Variants in BTG4 observed in about 807,000 individuals in gnomAD.
BTG4 encodes the protein BTG anti-proliferation factor 4.
In BTG4, 10 loss-of-function variants were observed where a neutral mutation model predicts 19.3. The ratio of observed to expected loss-of-function variants is 0.52; its 90% CI spans 0.32 to 0.88. The LOEUF is 0.88. BTG4 is among the 40% of genes least tolerant of loss of function. The pLI is 0.04. For synonymous variants in BTG4, 91 were observed against 95.7 expected, an observed-to-expected ratio of 0.95 and a Z score of 0.29; for missense variants, 238 against 281.9, an observed-to-expected ratio of 0.84 and a Z score of 1.11.
the BTG4 span, among the ~76,000 whole-genome samples, chr11:111,445,673 A>T: frequency 6.6e-6 from 1 of 152,170 alleles, no homozygotes; most frequent in Non-Finnish European, 1.5e-5. Flanking sequence ...TTAAACTTCA[A>T]CCTGAAAAGC....
chr11:111,505,274 G>C (rs1174345405), intron 1 of BTG4, among the ~76,000 whole-genome samples: 1 of 151,906 alleles, frequency 6.6e-6, no homozygotes, highest in Non-Finnish European at 1.5e-5. Context: ...TAAACCCAGA[G>C]ATTAATGGTA....
intron 5 of BTG4, among the ~76,000 whole-genome samples, chr11:111,470,840 T>C (rs1048910399): frequency 2.6e-5 from 4 of 152,088 alleles, no homozygotes; most frequent in Non-Finnish European, 2.9e-5. Flanking sequence ...GAAGGATCCA[T>C]TGAGCCCAGG....
the BTG4 span, among the ~76,000 whole-genome samples, chr11:111,454,613 A>C: frequency 4.6e-5 from 7 of 152,172 alleles, no homozygotes; most frequent in Non-Finnish European, 1.0e-4. Flanking sequence ...CCACCATTGG[A>C]GTTCCTTCTC....
the BTG4 span, among the ~76,000 whole-genome samples, chr11:111,444,941 T>C: frequency 6.6e-6 from 1 of 152,166 alleles, no homozygotes; most frequent in South Asian, 2.1e-4. Context: ...GAAAGTTTGT[T>C]TTTGAAAACC....
chr11:111,409,095 A>T, the BTG4 span, among the ~76,000 whole-genome samples: 1 of 152,204 alleles, frequency 6.6e-6, no homozygotes, highest in Admixed American at 6.5e-5. Context: ...GTTTATGCAG[A>T]TGTTTGTGGT....
intron 1 of BTG4, among the ~76,000 whole-genome samples, chr11:111,509,810 C>T (rs953980986): frequency 3.3e-5 from 5 of 151,856 alleles, no homozygotes; most frequent in African/African-American, 1.2e-4. Context: ...CTTCCAACAA[C>T]ATCCTTCAAA....
At chr11:111,509,424 T>G (rs755667963) in intron 1 of BTG4, among the ~76,000 whole-genome samples, 2 of 152,146 alleles carry the variant, frequency 1.3e-5, no homozygotes, top group Non-Finnish European at 2.9e-5. Flanking sequence ...GTGCAGTGGC[T>G]CACTCCTGTA....
At chr11:111,484,345 T>C (rs1217212737) in intron 5 of BTG4, among the ~76,000 whole-genome samples, 1 of 152,086 alleles carries the variant, frequency 6.6e-6, no homozygotes, top group African/African-American at 2.4e-5. Context: ...AACAGTATAG[T>C]TGCACTAACA....
At chr11:111,434,764 T>C in the BTG4 span, among the ~76,000 whole-genome samples, 10 of 151,050 alleles carry the variant, frequency 6.6e-5, no homozygotes, top group African/African-American at 2.4e-4. Context: ...CAAATCCAAG[T>C]TTCCTGGCAA....
chr11:111,453,344 T>C, the BTG4 span: 1 of 401,584 alleles, frequency 2.5e-6, no homozygotes, highest in South Asian at 1.9e-5. Context: ...TTTCAGAGTC[T>C]TCAGGAAGGA....
the BTG4 span, among the ~76,000 whole-genome samples, chr11:111,425,571 G>A: frequency 3.3e-5 from 5 of 152,208 alleles, no homozygotes; most frequent in South Asian, 8.3e-4. Flanking sequence ...GAAGAAAGAC[G>A]GGAAATATTG....
At chr11:111,473,884 T>G (rs995329700) in intron 5 of BTG4, among the ~76,000 whole-genome samples, 5 of 152,186 alleles carry the variant, frequency 3.3e-5, no homozygotes, top group Non-Finnish European at 4.4e-5. Context: ...TTTCTTCCAC[T>G]ACACCACAAA....
the BTG4 span, among the ~76,000 whole-genome samples, chr11:111,425,812 G>A: frequency 6.6e-6 from 1 of 152,236 alleles, no homozygotes. Flanking sequence ...TGGGAAGATC[G>A]CTTGAGCTCA....
At chr11:111,438,233 AC>A in the BTG4 span, among the ~76,000 whole-genome samples, 2 of 152,184 alleles carry the variant, frequency 1.3e-5, no homozygotes, top group African/African-American at 4.8e-5. Flanking sequence ...CCTAGACCTA[AC>A]TTTGTGGGTT....
the BTG4 span, among the ~76,000 whole-genome samples, chr11:111,444,814 G>A: frequency 6.6e-6 from 1 of 152,132 alleles, no homozygotes; most frequent in African/African-American, 2.4e-5. Context: ...GAAAGAGGGT[G>A]GCTGAAGACG....
chr11:111,389,857 G>A, the BTG4 span, among the ~76,000 whole-genome samples: 86 of 152,258 alleles, frequency 5.6e-4, no homozygotes, highest in Non-Finnish European at 8.1e-4. Context: ...CAAAAGTGGA[G>A]GGAGGCAGAA....
chr11:111,510,395 C>G (rs1001132507), intron 1 of BTG4, among the ~76,000 whole-genome samples: 2 of 152,196 alleles, frequency 1.3e-5, no homozygotes, highest in African/African-American at 2.4e-5. Flanking sequence ...CCCTAATCAC[C>G]AAAAGCCCAG....
chr11:111,479,256 T>C (rs760351623), intron 5 of BTG4, among the ~76,000 whole-genome samples: 8 of 152,036 alleles, frequency 5.3e-5, no homozygotes, highest in Non-Finnish European at 1.0e-4. Context: ...CAAAATTCTA[T>C]ACAAAGGGAA....
chr11:111,468,839 G>T (rs1863883516), intron 5 of BTG4, among the ~76,000 whole-genome samples: 1 of 152,142 alleles, frequency 6.6e-6, no homozygotes. Context: ...TGGGTCTCGA[G>T]AACAGAATCA....
Sources: allele counts gnomAD v4.1 joint callset (sites outside exome capture counted in the v4.1 genomes callset), GRCh38; gene constraint gnomAD v4.1.1; transcripts MANE v1.5; gene names NCBI Gene and HGNC (gene_info 2026-07-23, HGNC 2026-07-21).